Variants in SLC26A11 observed in about 807,000 individuals in gnomAD.
SLC26A11 encodes sodium-independent sulfate anion transporter.
SLC26A11 carries 58 observed loss-of-function variants against 62.2 expected under a neutral mutation model. That is an observed-to-expected ratio of 0.93 (90% CI 0.76 to 1.16). The LOEUF (loss-of-function observed/expected upper bound fraction) is 1.16. Ranked by LOEUF, SLC26A11 falls within the 50% of genes most tolerant of loss-of-function variation. The probability of loss-of-function intolerance (pLI) is 0.00; values close to 1 mark genes in which losing one functional copy is unlikely to be tolerated. For missense variants in SLC26A11, 790 were observed against 794.3 expected (o/e 0.99, Z 0.06); for synonymous variants, 411 against 368.9 (o/e 1.11, Z -1.31).
chr17:80,245,246 A>G lies in SLC26A11; in HGVS notation c.1087A>G (p.Ser363Gly). 1 of 1,613,896 alleles carries G rather than the reference A, an allele frequency of 6.2e-7. No homozygotes were observed. The highest frequency in any genetic ancestry group is 1.1e-5 in the South Asian group (1 of 91,064). ...CGTCTCCTCCTACCCGGTCACAGGCAGCTTTGGACGGTGAGTGACCTGTCC... is the reference window on the plus strand; with the variant it reads ...CGTCTCCTCCTACCCGGTCACAGGCGGCTTTGGACGGTGAGTGACCTGTCC... ...SLVSSYPVTGSFGRTAVNAQS... is the reference protein window; with the variant it reads ...SLVSSYPVTGGFGRTAVNAQS... Residue 363 changes from serine to glycine, a missense_variant, in exon 11 of 18, where the codon AGC becomes GGC. Coordinates refer to ENST00000361193, the MANE Select transcript of SLC26A11 (RefSeq NM_001166347.2).
rs1555628726 is a variant in SLC26A11, at chr17:80,237,115, C to T, written c.912+12C>T. 8.7e-6 allele frequency: 14 copies of T among 1,603,084 alleles called. No homozygotes were observed. Among genetic ancestry groups the T allele is most frequent in the East Asian group, 4.5e-5 (2 of 44,612 alleles). ...CCGAGATGGTGCAGGTGGGCGGAGC[C>T]GGGAGGCAGGATGGCGTGGCTGAGG... On this transcript the variant is annotated intron_variant, in intron 8 of 17. Coordinates refer to ENST00000361193, the MANE Select transcript of SLC26A11 (RefSeq NM_001166347.2).
chr17:80,222,377 A>C lies in SLC26A11; in HGVS notation c.235-278A>C. On this transcript the variant is annotated intron_variant, in intron 3 of 17. Transcript: ENST00000361193. The surrounding 1 kb of genome is among the most constrained non-coding windows in gnomAD (Gnocchi z 4.7). ...GGCGACAGAGCGAGACTCCATCTCA[A>C]AAAAAAAAAAAAAGAATGCTTCCTC... 1 of 233,980 alleles carries C rather than the reference A, an allele frequency of 4.3e-6. No homozygotes were observed. Among genetic ancestry groups the C allele is most frequent in the Non-Finnish European group, 8.2e-6 (1 of 121,544 alleles). The allele number at this position is 233,980 out of a possible 1,614,324, so 14.5% of individuals were successfully genotyped here. A position where few individuals can be genotyped will look rare whatever the true frequency, so the allele number is the denominator to read the frequency against.
chr17:80,238,811 G>GTTTTTTTTTTTTTTTTTTTTTTTT (rs1276063968), intron 9 of SLC26A11, among the ~76,000 whole-genome samples: 1 of 123,226 alleles, frequency 8.1e-6, no homozygotes, highest in African/African-American at 3.4e-5. Context: ...CTTCAAAGGA[G>GTTTTTTTTTTTTTTTTTTTTTTTT]TTTTTTTTGT....
At chr17:80,248,333 C>A in intron 14 of SLC26A11, 76 bp downstream of exon 14, 1 of 1,519,238 alleles carries the variant, frequency 6.6e-7, no homozygotes, top group Non-Finnish European at 8.8e-7. Flanking sequence ...TTTTGAGGGT[C>A]CGGGGTGATT....
chr17:80,237,864 T>A (rs1567957799), intron 9 of SLC26A11, among the ~76,000 whole-genome samples: 1 of 152,256 alleles, frequency 6.6e-6, no homozygotes, highest in Non-Finnish European at 1.5e-5. Flanking sequence ...TTCGTGGCCC[T>A]TGCCGATGTC....
chr17:80,249,553 C>T (rs1480175204), intron 16 of SLC26A11, among the ~76,000 whole-genome samples: 1 of 152,170 alleles, frequency 6.6e-6, no homozygotes, highest in Non-Finnish European at 1.5e-5. Flanking sequence ...GTGCTGGGGA[C>T]ACACAGTGAA....
Position 80,221,674 on chromosome 17 carries a change from G to C in SLC26A11, c.114G>C (p.Ala38=), listed in dbSNP as rs762391907. 2 of 1,613,236 alleles carry C rather than the reference G, an allele frequency of 1.2e-6. No homozygotes were observed. Among genetic ancestry groups the C allele is most frequent in the Non-Finnish European group, 1.7e-6 (2 of 1,179,986 alleles). Residue 38 remains alanine, a synonymous_variant, in exon 3 of 18, where the codon GCG becomes GCC. Transcript: ENST00000361193. The stretch of plus-strand genomic sequence containing the variant: ...TGCAGAGGAGGCTGCCCATCCTGGC[G>C]TGGCTGCCCAGCTACTCCCTGCAGT... The part of the protein sequence containing the change: ...AALQRRLPIL[A]WLPSYSLQWL...
Position 80,252,176 on chromosome 17 carries a change from T to G in SLC26A11, c.1730-449T>G, listed in dbSNP as rs73432171. Among the ~76,000 whole-genome samples the G allele has an allele frequency of 0.065, 9,900 of 152,224 alleles. 786 individuals are homozygous for G. The highest frequency in any genetic ancestry group is 0.19 in the African/African-American group (7,954 of 41,494). On this transcript the variant is annotated intron_variant, in intron 17 of 17. Transcript: ENST00000361193. The surrounding 1 kb of genome is among the most constrained non-coding windows in gnomAD (Gnocchi z 5.2). ...GCATCCACCCCAGGCCACACAGCAG[T>G]GGCCAGAGGGTCCCAGGCCCCAGTG...
intron 6 of SLC26A11, 30 bp from the exon 7 acceptor site, chr17:80,227,788 G>C (rs1482333862): frequency 6.3e-7 from 1 of 1,599,178 alleles, no homozygotes. Context: ...GGCCGAGCTG[G>C]GTGGTGACCA....
chr17:80,242,261 G>C (rs2042884694), intron 10 of SLC26A11, among the ~76,000 whole-genome samples: 2 of 152,222 alleles, frequency 1.3e-5, no homozygotes, highest in Non-Finnish European at 2.9e-5. Flanking sequence ...ACAGGCATGA[G>C]CTACTGCGCC....
rs1313828348 is a variant in SLC26A11 at position 80,248,136 on chromosome 17, A to G, written c.1301A>G (p.Asp434Gly). 1.2e-6 allele frequency: 2 copies of G among 1,602,730 alleles called. No individual in the cohort carries two copies. Among genetic ancestry groups the G allele is most frequent in the African/African-American group, 2.7e-5 (2 of 74,874 alleles). Residue 434 changes from aspartate to glycine, a missense_variant, in exon 14 of 18, where the codon GAC becomes GGC. Transcript: ENST00000361193. ...AGCTGTGCCCTTCTCCTAGGGCTGG[A>G]CCTGCTGCCCCTGTGCGTGACCTTC... Reference protein sequence around the residue: ...FRTLWRVKRLDLLPLCVTFLL... With the variant: ...FRTLWRVKRLGLLPLCVTFLL...
At position 80,228,363 on chromosome 17, in the gene SLC26A11, C is replaced by T. The variant is rs531763872; in HGVS notation, c.736+403C>T. Reference sequence around the variant, plus strand: ...GACCATACTGGTCTCAAACTCCTGACCTCGAGTGATCTGCCTGCCTCGGCC... The same window carrying T: ...GACCATACTGGTCTCAAACTCCTGATCTCGAGTGATCTGCCTGCCTCGGCC... On this transcript the variant is annotated intron_variant, in intron 7 of 17. Transcript: ENST00000361193. This position sits in a 1 kb window ranked among gnomAD's most constrained non-coding sequence, Gnocchi z 4.1. Among the ~76,000 whole-genome samples the T allele has an allele frequency of 6.9e-4, 105 of 152,280 alleles. No homozygotes were observed. Among genetic ancestry groups the T allele is most frequent in the African/African-American group, 2.5e-3 (104 of 41,570 alleles).
Position 80,248,606 on chromosome 17 carries a change from C to A in SLC26A11, c.1454C>A (p.Pro485Gln). 1 of 1,589,100 alleles carries A rather than the reference C, an allele frequency of 6.3e-7. No individual in the cohort carries two copies. Among genetic ancestry groups the A allele is most frequent in the Non-Finnish European group, 8.6e-7 (1 of 1,168,230 alleles). The change falls in exon 15 of 18, where the codon CCG becomes CAG. Residue 485 changes from proline to glutamine, a missense_variant. Physicochemically the swap from Pro to Gln is moderately conservative, Grantham distance 76. Coordinates refer to ENST00000361193, the MANE Select transcript of SLC26A11 (RefSeq NM_001166347.2). ...GAGGGGCCGGTTCTGGTCCTGCAGC[C>A]GGCCAGCGGCCTGTCCTTCCCTGCC... The part of the protein sequence containing the change: ...VSEGPVLVLQ[P>Q]ASGLSFPAME...
chr17:80,250,699 C>T (rs1449168501), intron 16 of SLC26A11, among the ~76,000 whole-genome samples: 2 of 151,886 alleles, frequency 1.3e-5, no homozygotes, highest in Admixed American at 6.6e-5. Context: ...TGGTGGCGCA[C>T]GCCTGTAATC....
intron 10 of SLC26A11, among the ~76,000 whole-genome samples, chr17:80,244,223 G>T (rs1013830420): frequency 2.0e-5 from 3 of 152,204 alleles, no homozygotes; most frequent in Admixed American, 6.5e-5. Flanking sequence ...GTGGGAGCGT[G>T]GGTCAACCTG....
intron 13 of SLC26A11, among the ~76,000 whole-genome samples, chr17:80,247,269 G>A (rs1203724274): frequency 3.3e-5 from 5 of 151,894 alleles, no homozygotes; most frequent in Admixed American, 6.6e-5. Flanking sequence ...GCAACCATCC[G>A]ATTTCTCAAT....
intron 10 of SLC26A11, 101 bp downstream of exon 10, chr17:80,241,922 G>A: frequency 2.3e-6 from 3 of 1,327,772 alleles, no homozygotes; most frequent in South Asian, 1.2e-5. Flanking sequence ...CCATGATGGT[G>A]GTGATGAACT....
intron 9 of SLC26A11, 25 bp from the exon 10 acceptor site, chr17:80,241,746 G>A: frequency 6.2e-7 from 1 of 1,612,978 alleles, no homozygotes; most frequent in Non-Finnish European, 8.5e-7. Context: ...TTACTGACCA[G>A]GTCTTTACCG....
At chr17:80,232,788 T>C (rs1261707862) in intron 7 of SLC26A11, among the ~76,000 whole-genome samples, 1 of 152,172 alleles carries the variant, frequency 6.6e-6, no homozygotes, top group African/African-American at 2.4e-5. Flanking sequence ...CTACCTCTAT[T>C]GGATTATTTT....
Sources: gnomAD v4.1 joint callset for allele counts (sites outside exome capture counted in the v4.1 genomes callset) on GRCh38, gnomAD v4.1.1 for gene constraint, Gnocchi (gnomAD v3.1) non-coding constraint, MANE v1.5 for transcripts, NCBI Gene and HGNC (gene_info 2026-07-23, HGNC 2026-07-21) for gene names.